SASH1: variants seen among roughly 807,000 people sequenced by gnomAD.
The protein encoded by SASH1 is SAM and SH3 domain-containing protein 1.
SASH1 carries 44 observed loss-of-function variants against 125.2 expected under a neutral mutation model. The observed-to-expected ratio is 0.35, with a 90% CI of 0.28 to 0.45. The LOEUF (loss-of-function observed/expected upper bound fraction) is 0.45, where lower values mean the gene tolerates loss of function less well. SASH1 is among the 20% of genes least tolerant of loss of function. SASH1 has a pLI of 1.00. For missense variants in SASH1, 1,426 were observed against 1,614.5 expected, an observed-to-expected ratio of 0.88 and a Z score of 2.00; for synonymous variants, 639 against 649.1, an observed-to-expected ratio of 0.98 and a Z score of 0.24.
At chr6:148,336,226 A>T (rs1309211290) in intron 1 of SASH1, among the ~76,000 whole-genome samples, 1 of 116,204 alleles carries the variant, frequency 8.6e-6, no homozygotes, top group Non-Finnish European at 1.6e-5. Flanking sequence ...CCCAGGCTGG[A>T]GTGCAGTGGC....
chr6:148,345,709 C>T (rs535960637), intron 1 of SASH1, among the ~76,000 whole-genome samples: 1 of 152,268 alleles, frequency 6.6e-6, no homozygotes, highest in Admixed American at 6.5e-5. Context: ...ACACCATTTC[C>T]TTCCTTTTTT....
chr6:148,277,017 C>T (rs1468078061), intron 1 of SASH1, among the ~76,000 whole-genome samples: 1 of 152,200 alleles, frequency 6.6e-6, no homozygotes, highest in Admixed American at 6.5e-5. Context: ...GACATATTAA[C>T]TCATTTAATC....
chr6:148,381,643 T>TTTTTTTTTTA (rs1562366167), intron 1 of SASH1, among the ~76,000 whole-genome samples: 1 of 140,630 alleles, frequency 7.1e-6, no homozygotes, highest in Non-Finnish European at 1.5e-5. Context: ...TTTTTTTTTT[T>TTTTTTTTTTA]GAGACAGAGT....
At chr6:148,406,309 C>T (rs1026496601) in intron 2 of SASH1, among the ~76,000 whole-genome samples, 9 of 151,368 alleles carry the variant, frequency 5.9e-5, no homozygotes, top group Admixed American at 3.3e-4. Context: ...ATTGCTGATA[C>T]GAGTAAAATC....
chr6:148,488,815 T>TA (rs544548036), intron 8 of SASH1, among the ~76,000 whole-genome samples: 199 of 152,350 alleles, frequency 1.3e-3, no homozygotes, highest in South Asian at 4.6e-3. Flanking sequence ...GGTCTTCAGT[T>TA]ATGTTGTTTT....
chr6:148,285,126 T>C (rs1227496392), intron 1 of SASH1, among the ~76,000 whole-genome samples: 8 of 152,264 alleles, frequency 5.3e-5, no homozygotes, highest in African/African-American at 1.9e-4. Flanking sequence ...TTTGTGTTCT[T>C]TGGATTATTT....
intron 8 of SASH1, chr6:148,514,099 G>T (rs1780298544): frequency 7.8e-7 from 1 of 1,276,416 alleles, no homozygotes; most frequent in Admixed American, 4.0e-5. Flanking sequence ...TGCCCTTGAG[G>T]GCAAGGATGT....
At chr6:148,460,729 A>C (rs1433532460) in intron 4 of SASH1, among the ~76,000 whole-genome samples, 2 of 152,224 alleles carry the variant, frequency 1.3e-5, no homozygotes, top group Admixed American at 6.5e-5. Flanking sequence ...TAATATGCTG[A>C]AAATCCATTG....
chr6:148,363,110 G>T (rs946596955), intron 1 of SASH1, among the ~76,000 whole-genome samples: 1 of 152,166 alleles, frequency 6.6e-6, no homozygotes, highest in South Asian at 2.1e-4. Context: ...TTGGGCATGG[G>T]CTGCATGGCT....
At chr6:148,257,001 T>C in the SASH1 span, among the ~76,000 whole-genome samples, 1 of 152,154 alleles carries the variant, frequency 6.6e-6, no homozygotes, top group African/African-American at 2.4e-5. Context: ...TAGGTGCACA[T>C]CTCTGGAATA....
intron 1 of SASH1, among the ~76,000 whole-genome samples, chr6:148,302,476 A>G (rs1779990636): frequency 1.3e-5 from 2 of 151,674 alleles, no homozygotes; most frequent in African/African-American, 4.8e-5. Context: ...ATTTGCCATG[A>G]TACTTGTGTT....
chr6:148,261,875 G>T, the SASH1 span, among the ~76,000 whole-genome samples: 1 of 152,260 alleles, frequency 6.6e-6, no homozygotes, highest in South Asian at 2.1e-4. Flanking sequence ...TGGGGGATGG[G>T]CTTGGGTAGG....
intron 1 of SASH1, among the ~76,000 whole-genome samples, chr6:148,387,583 TCTTTCTTTCTTTCTTTC>T (rs1783454501): frequency 1.5e-4 from 1 of 6,526 alleles, no homozygotes; most frequent in African/African-American, 8.6e-4. Context: ...TTTCTTTCTT[TCTTTCTTTCTTTCTTTC>T]TTTCTTTCTT....
At chr6:148,330,379 GA>G (rs1582973997) in intron 1 of SASH1, among the ~76,000 whole-genome samples, 1 of 151,998 alleles carries the variant, frequency 6.6e-6, no homozygotes, top group Admixed American at 6.6e-5. Flanking sequence ...AAATTTATTG[GA>G]AAAAAATATT....
At chr6:148,547,779 A>T (rs1782652521) in intron 19 of SASH1, among the ~76,000 whole-genome samples, 1 of 152,238 alleles carries the variant, frequency 6.6e-6, no homozygotes, top group Non-Finnish European at 1.5e-5. Flanking sequence ...TTAAATGTCC[A>T]CTTCCCTGTT....
chr6:148,362,821 C>T (rs1782291766), intron 1 of SASH1, among the ~76,000 whole-genome samples: 1 of 152,050 alleles, frequency 6.6e-6, no homozygotes, highest in African/African-American at 2.4e-5. Flanking sequence ...GCACTCCAGC[C>T]CGGGAAACAG....
rs892240600 is a variant in SASH1, at chr6:148,550,995, T to A, written c.*2437T>A. 2 of 152,676 alleles carry A rather than the reference T, an allele frequency of 1.3e-5. No homozygotes were observed. The highest frequency in any genetic ancestry group is 4.8e-5 in the African/African-American group (2 of 41,468). 9.5% of individuals were successfully genotyped at this position (152,676 alleles called of 1,614,324 possible). On this transcript the variant is annotated 3_prime_UTR_variant, in exon 20 of 20. Transcript: ENST00000367467. ...TTTTTGAGAATGCCAAACCACATTTTTATCACACTTCTTTGGAAATCAATG... is the reference window on the plus strand; with the variant it reads ...TTTTTGAGAATGCCAAACCACATTTATATCACACTTCTTTGGAAATCAATG...
chr6:148,252,742 G>A, the SASH1 span, among the ~76,000 whole-genome samples: 1 of 152,152 alleles, frequency 6.6e-6, no homozygotes, highest in East Asian at 1.9e-4. Flanking sequence ...GCCGCCCAAA[G>A]TGCTGGGATT....
intron 11 of SASH1, among the ~76,000 whole-genome samples, chr6:148,525,614 G>C (rs1406005629): frequency 6.6e-6 from 1 of 152,186 alleles, no homozygotes; most frequent in East Asian, 1.9e-4. Context: ...TTTGCTTCCA[G>C]TTTTCTTCAA....
Sources: allele counts gnomAD v4.1 joint callset (sites outside exome capture counted in the v4.1 genomes callset), GRCh38; gene constraint gnomAD v4.1.1; transcripts MANE v1.5; gene names NCBI Gene and HGNC (gene_info 2026-07-23, HGNC 2026-07-21).